Variants in MECOM observed in about 807,000 individuals in gnomAD.
MECOM encodes histone-lysine N-methyltransferase MECOM.
MECOM carries 13 observed loss-of-function variants against 116.3 expected under a neutral mutation model. The observed-to-expected ratio is 0.11, with a 90% CI of 0.07 to 0.18. The LOEUF is 0.18. Ranked by LOEUF, MECOM falls within the 10% of genes least tolerant of loss-of-function variation. The pLI, the probability that MECOM is intolerant of heterozygous loss-of-function variation, is 1.00. For missense variants in MECOM, 1,299 were observed against 1,509.0 expected (o/e 0.86, Z 2.31); for synonymous variants, 528 against 535.2 (o/e 0.99, Z 0.19).
intron 1 of MECOM, among the ~76,000 whole-genome samples, chr3:169,489,937 A>G (rs1459258573): frequency 6.6e-6 from 1 of 152,216 alleles, no homozygotes; most frequent in Non-Finnish European, 1.5e-5. Context: ...AAAGTTCGCC[A>G]TTAACAAAGT....
chr3:169,418,713 C>T (rs976069458), intron 1 of MECOM, among the ~76,000 whole-genome samples: 1 of 152,102 alleles, frequency 6.6e-6, no homozygotes, highest in African/African-American at 2.4e-5. Flanking sequence ...ACGATAAAAA[C>T]ACTCAATAAA....
intron 1 of MECOM, among the ~76,000 whole-genome samples, chr3:169,594,706 T>C (rs1289013926): frequency 6.6e-6 from 1 of 151,618 alleles, no homozygotes; most frequent in African/African-American, 2.4e-5. Context: ...TCTGCAGGCA[T>C]TTCACACAGC....
chr3:169,262,104 T>C (rs1325358174), intron 2 of MECOM, among the ~76,000 whole-genome samples: 1 of 152,198 alleles, frequency 6.6e-6, no homozygotes, highest in African/African-American at 2.4e-5. Flanking sequence ...CAAGAAAAAT[T>C]AGCTGCTCTC....
chr3:169,158,959 A>C (rs1204912755), intron 2 of MECOM, among the ~76,000 whole-genome samples: 1 of 152,164 alleles, frequency 6.6e-6, no homozygotes, highest in East Asian at 1.9e-4. Context: ...AATCACCCGT[A>C]CCTAGGAAGA....
chr3:169,137,966 C>A (rs1371565998), intron 3 of MECOM, among the ~76,000 whole-genome samples: 1 of 152,064 alleles, frequency 6.6e-6, no homozygotes, highest in Admixed American at 6.6e-5. Flanking sequence ...TTAATGTGGT[C>A]ATTTCATCTG....
intron 10 of MECOM, 46 bp downstream of exon 10, chr3:169,107,880 T>C: frequency 6.4e-7 from 1 of 1,552,228 alleles, no homozygotes; most frequent in South Asian, 1.1e-5. Context: ...CTGTTTTCTT[T>C]TTAATGCTAC....
At chr3:169,280,723 C>T (rs1711756757) in intron 2 of MECOM, among the ~76,000 whole-genome samples, 2 of 152,098 alleles carry the variant, frequency 1.3e-5, no homozygotes, top group Middle Eastern at 3.2e-3. Flanking sequence ...AAATTGAACA[C>T]CATTGTGGGC....
intron 2 of MECOM, among the ~76,000 whole-genome samples, chr3:169,327,652 A>G (rs958996136): frequency 6.6e-5 from 10 of 151,954 alleles, no homozygotes; most frequent in African/African-American, 1.4e-4. Context: ...AAAAAAAAAA[A>G]AAAAAGAAAA....
chr3:169,159,662 A>G (rs766277716), intron 2 of MECOM, among the ~76,000 whole-genome samples: 4 of 152,214 alleles, frequency 2.6e-5, no homozygotes, highest in Non-Finnish European at 4.4e-5. Flanking sequence ...TATCTGGTAA[A>G]TAGAGACTCA....
chr3:169,134,727 A>G (rs888548001), intron 3 of MECOM, among the ~76,000 whole-genome samples: 1 of 152,194 alleles, frequency 6.6e-6, no homozygotes, highest in Non-Finnish European at 1.5e-5. Flanking sequence ...ACAATGGCCC[A>G]AAAGTATAAT....
intron 2 of MECOM, among the ~76,000 whole-genome samples, chr3:169,321,444 G>A (rs990216728): frequency 6.6e-6 from 1 of 152,136 alleles, no homozygotes; most frequent in East Asian, 1.9e-4. Flanking sequence ...GGAGGCTGAG[G>A]CAGGAGAATC....
At chr3:169,491,603 T>C (rs1753102068) in intron 1 of MECOM, among the ~76,000 whole-genome samples, 1 of 152,148 alleles carries the variant, frequency 6.6e-6, no homozygotes, top group Non-Finnish European at 1.5e-5. Context: ...CAATGAAAAC[T>C]TCCTAATAGA....
intron 1 of MECOM, among the ~76,000 whole-genome samples, chr3:169,398,610 C>T (rs1735376651): frequency 6.6e-6 from 1 of 152,114 alleles, no homozygotes; most frequent in South Asian, 2.1e-4. Flanking sequence ...CATATATATC[C>T]TCTGGAATGC....
intron 1 of MECOM, among the ~76,000 whole-genome samples, chr3:169,469,340 G>A (rs1326659485): frequency 6.6e-6 from 1 of 152,174 alleles, no homozygotes; most frequent in East Asian, 1.9e-4. Flanking sequence ...AGCCAGCAGG[G>A]AGTCTATATC....
chr3:169,525,009 GTCCCT>G (rs1757803551), intron 1 of MECOM, among the ~76,000 whole-genome samples: 2 of 150,988 alleles, frequency 1.3e-5, no homozygotes, highest in Non-Finnish European at 2.9e-5. Context: ...AGATTAATCT[GTCCCT>G]GATAAGATAT....
At chr3:169,505,256 G>C (rs534168166) in intron 1 of MECOM, among the ~76,000 whole-genome samples, 55 of 151,278 alleles carry the variant, frequency 3.6e-4, no homozygotes, top group African/African-American at 1.3e-3. Context: ...TCTCAAAGTA[G>C]TTACAATAAA....
intron 2 of MECOM, among the ~76,000 whole-genome samples, chr3:169,219,332 G>A (rs765582815): frequency 6.6e-6 from 1 of 151,962 alleles, no homozygotes; most frequent in Non-Finnish European, 1.5e-5. Context: ...TGGTGAAACC[G>A]CGTATCCACT....
chr3:169,107,821 G>T, intron 10 of MECOM, 105 bp downstream of exon 10: 1 of 889,060 alleles, frequency 1.1e-6, no homozygotes, highest in Non-Finnish European at 1.8e-6. Context: ...TCACGTAATG[G>T]AAAGGGGTTC....
intron 2 of MECOM, among the ~76,000 whole-genome samples, chr3:169,169,136 C>G (rs1744041666): frequency 6.6e-6 from 1 of 152,034 alleles, no homozygotes. Flanking sequence ...TTAAATTTAA[C>G]AGTGTGCATT....
Sources: gnomAD v4.1 joint callset for allele counts (sites outside exome capture counted in the v4.1 genomes callset) on GRCh38, gnomAD v4.1.1 for gene constraint, MANE v1.5 for transcripts, NCBI Gene and HGNC (gene_info 2026-07-23, HGNC 2026-07-21) for gene names.